The following KLHL32 variants were observed in gnomAD, a reference collection of about 807,000 sequenced individuals.
The protein encoded by KLHL32 is kelch-like protein 32.
KLHL32 carries 35 observed loss-of-function variants against 64.8 expected under a neutral mutation model. That is an observed-to-expected ratio of 0.54 (90% confidence interval 0.41 to 0.72). The LOEUF (loss-of-function observed/expected upper bound fraction) is 0.72, where lower values mean the gene tolerates loss of function less well. KLHL32 is among the 30% of genes least tolerant of loss of function. The pLI, the probability that KLHL32 is intolerant of heterozygous loss-of-function variation, is 0.00. For missense variants in KLHL32, 589 were observed against 768.5 expected (o/e 0.77, Z 2.76); for synonymous variants, 259 against 281.0 (o/e 0.92, Z 0.78).
intron 1 of KLHL32, among the ~76,000 whole-genome samples, chr6:96,945,551 A>C (rs1458329740): frequency 6.6e-6 from 1 of 152,224 alleles, no homozygotes; most frequent in Non-Finnish European, 1.5e-5. Context: ...ACTCAGACTC[A>C]AGACCAAGTC....
At chr6:96,986,190 A>T (rs558822488) in intron 3 of KLHL32, among the ~76,000 whole-genome samples, 1 of 152,272 alleles carries the variant, frequency 6.6e-6, no homozygotes, top group African/African-American at 2.4e-5. Flanking sequence ...AACAGCAGAT[A>T]TTGGTGAACA....
At chr6:96,943,971 C>T (rs1397309629) in intron 1 of KLHL32, among the ~76,000 whole-genome samples, 3 of 152,182 alleles carry the variant, frequency 2.0e-5, no homozygotes, top group Non-Finnish European at 4.4e-5. Context: ...ACTCTCAGGA[C>T]ATTAATTCCT....
Position 97,085,249 on chromosome 6 carries a change from C to G in KLHL32, c.535C>G (p.Pro179Ala). Residue 179 changes from proline to alanine, a missense_variant, in exon 6 of 11, where the codon CCA (proline) becomes GCA (alanine). By Grantham distance (27) the Pro-to-Ala change is conservative (BLOSUM62 -1). Transcript: ENST00000369261. ...KHLSELLKSR[P>A]EEVLTLPYCL... ...TCTCTCTGAACTCCTGAAGAGCCGC[C>G]CAGAAGAAGTTCTAACGCTTCCCTA... is the stretch of plus-strand genomic sequence containing the variant. 1.2e-6 allele frequency: 2 copies of G among 1,613,952 alleles called. No homozygotes were observed. Among genetic ancestry groups the G allele is most frequent in the Non-Finnish European group, 8.5e-7 (1 of 1,180,026 alleles).
intron 1 of KLHL32, among the ~76,000 whole-genome samples, chr6:96,930,037 G>A (rs181349940): frequency 6.6e-6 from 1 of 152,272 alleles, no homozygotes; most frequent in Admixed American, 6.5e-5. Flanking sequence ...AGATAAGCCA[G>A]TACCAGTTAC....
intron 1 of KLHL32, among the ~76,000 whole-genome samples, chr6:96,944,432 T>C (rs1215398455): frequency 6.6e-6 from 1 of 152,228 alleles, no homozygotes; most frequent in Non-Finnish European, 1.5e-5. Flanking sequence ...ATGCTGTTTG[T>C]GGGGAACAAA....
At chr6:96,980,001 CA>C (rs34981378) in intron 3 of KLHL32, among the ~76,000 whole-genome samples, 118,053 of 152,066 alleles carry the variant, frequency 0.78, 46,765 homozygotes, top group African/African-American at 0.94. Flanking sequence ...GATATTCGTA[CA>C]ATTGATTTTG....
chr6:96,901,065 C>T, the KLHL32 span, among the ~76,000 whole-genome samples: 1 of 152,174 alleles, frequency 6.6e-6, no homozygotes, highest in African/African-American at 2.4e-5. Context: ...ATCCAGTATT[C>T]ATATTGAGGA....
chr6:97,017,685 C>T (rs1037351862), intron 3 of KLHL32, among the ~76,000 whole-genome samples: 7 of 152,070 alleles, frequency 4.6e-5, no homozygotes, highest in African/African-American at 1.4e-4. Context: ...GGGGATATGG[C>T]TTGGAAATTC....
intron 9 of KLHL32, among the ~76,000 whole-genome samples, chr6:97,131,752 G>T (rs1411850840): frequency 2.0e-5 from 3 of 152,156 alleles, no homozygotes; most frequent in Non-Finnish European, 2.9e-5. Flanking sequence ...GCTGGGGGAG[G>T]CAACGCTGGG....
rs1771166945 is a variant in KLHL32 at position 96,940,634 on chromosome 6, G to A, written c.-66+15608G>A. ...ACCATACTATAGCCCTGCTTAAGCA[G>A]CCCCAAGAAGGCAGAGCTTCCCAAC... On this transcript the variant is annotated intron_variant, in intron 1 of 10. Coordinates refer to ENST00000369261, the MANE Select transcript of KLHL32 (RefSeq NM_052904.4). Among the ~76,000 whole-genome samples, 3 of 152,198 alleles carry A rather than the reference G, an allele frequency of 2.0e-5. No individual in the cohort carries two copies. In the South Asian group the frequency reaches 6.2e-4, roughly 31 times the overall value.
At chr6:97,029,479 A>G (rs1279233428) in intron 3 of KLHL32, among the ~76,000 whole-genome samples, 2 of 150,188 alleles carry the variant, frequency 1.3e-5, no homozygotes, top group African/African-American at 5.0e-5. Context: ...TTACAGTAAT[A>G]TAATTTTACT....
intron 5 of KLHL32, among the ~76,000 whole-genome samples, chr6:97,083,185 T>G (rs1792846864): frequency 6.6e-6 from 1 of 151,264 alleles, no homozygotes; most frequent in Admixed American, 6.6e-5. Context: ...AGGTCAGGAG[T>G]TCAAGACCAG....
chr6:96,992,560 C>T (rs1475768722), intron 3 of KLHL32, among the ~76,000 whole-genome samples: 2 of 152,184 alleles, frequency 1.3e-5, no homozygotes, highest in Non-Finnish European at 2.9e-5. Context: ...TTTGATTTCG[C>T]ACATTTGTGT....
chr6:97,117,725 G>A (rs1797947873), intron 7 of KLHL32, among the ~76,000 whole-genome samples: 1 of 152,146 alleles, frequency 6.6e-6, no homozygotes, highest in Non-Finnish European at 1.5e-5. Context: ...TCCTACAGCT[G>A]TGTTTTTAAA....
chr6:97,030,997 A>G (rs1351499601), intron 3 of KLHL32, among the ~76,000 whole-genome samples: 1 of 152,206 alleles, frequency 6.6e-6, no homozygotes, highest in African/African-American at 2.4e-5. Context: ...ACCTGCCTTC[A>G]TGGAGCCTGC....
intron 3 of KLHL32, among the ~76,000 whole-genome samples, chr6:97,001,611 G>T (rs975256949): frequency 1.3e-5 from 2 of 152,106 alleles, no homozygotes; most frequent in Non-Finnish European, 2.9e-5. Context: ...GAGACCACAG[G>T]CATGTGCCAC....
chr6:97,132,778 T>C (rs746420622), intron 10 of KLHL32, 31 bp downstream of exon 10: 12 of 1,473,204 alleles, frequency 8.1e-6, no homozygotes, highest in Admixed American at 1.8e-5. Flanking sequence ...TTGAAGTTTG[T>C]TCAAGTGGTT....
chr6:96,967,196 T>C (rs1774550038), intron 2 of KLHL32, 113 bp downstream of exon 2: 1 of 870,068 alleles, frequency 1.1e-6, no homozygotes, highest in Non-Finnish European at 1.8e-6. Context: ...GAAGGAATCA[T>C]CAAACTAGTC....
chr6:96,990,386 C>T (rs1400572394), intron 3 of KLHL32, among the ~76,000 whole-genome samples: 3 of 152,112 alleles, frequency 2.0e-5, no homozygotes, highest in Non-Finnish European at 4.4e-5. Context: ...GAAGTTTGGG[C>T]TGTGATCCAG....
Sources: allele counts gnomAD v4.1 joint callset (sites outside exome capture counted in the v4.1 genomes callset), GRCh38; gene constraint gnomAD v4.1.1; transcripts MANE v1.5; gene names NCBI Gene and HGNC (gene_info 2026-07-23, HGNC 2026-07-21).